Variants in CAMKMT observed in about 807,000 individuals in gnomAD.
CAMKMT encodes the protein calmodulin-lysine N-methyltransferase.
A neutral mutation model predicts 48.0 loss-of-function variants in CAMKMT; 53 were observed. The ratio of observed to expected loss-of-function variants is 1.10; its 90% confidence interval spans 0.89 to 1.39. The LOEUF is 1.39. Among genes scored for constraint, CAMKMT ranks in the 40% most tolerant of loss-of-function variants. The probability of loss-of-function intolerance (pLI) is 0.00; values close to 1 mark genes in which losing one functional copy is unlikely to be tolerated. For missense variants in CAMKMT, 428 were observed against 402.7 expected (o/e 1.06, Z -0.54); for synonymous variants, 165 against 152.3 (o/e 1.08, Z -0.61).
intron 3 of CAMKMT, among the ~76,000 whole-genome samples, chr2:44,455,812 C>G (rs1189389044): frequency 6.6e-6 from 1 of 152,026 alleles, no homozygotes; most frequent in Non-Finnish European, 1.5e-5. Context: ...TTTGTGTAAT[C>G]TATTGTTGTT....
chr2:44,741,942 T>C (rs1679699629), intron 7 of CAMKMT, among the ~76,000 whole-genome samples: 1 of 152,246 alleles, frequency 6.6e-6, no homozygotes, highest in African/African-American at 2.4e-5. Flanking sequence ...ATTTATGGAA[T>C]GGTAAGATTA....
intron 3 of CAMKMT, among the ~76,000 whole-genome samples, chr2:44,424,763 G>A (rs906931673): frequency 2.0e-5 from 3 of 152,196 alleles, no homozygotes; most frequent in Non-Finnish European, 2.9e-5. Context: ...GACTTAGGGG[G>A]AAAGGGTGAG....
chr2:44,550,372 AGAGT>A (rs887649796), intron 3 of CAMKMT, among the ~76,000 whole-genome samples: 37 of 152,012 alleles, frequency 2.4e-4, no homozygotes, highest in African/African-American at 8.4e-4. Flanking sequence ...CCTGGGTGAC[AGAGT>A]GAGACTCTGT....
At chr2:44,577,104 C>G (rs1477742423) in intron 3 of CAMKMT, among the ~76,000 whole-genome samples, 1 of 152,164 alleles carries the variant, frequency 6.6e-6, no homozygotes, top group Admixed American at 6.5e-5. Flanking sequence ...CACTTTGATG[C>G]TGGTTGTACA....
At chr2:44,482,348 ACCCAAAACAATTAC>A (rs1669015078) in intron 3 of CAMKMT, among the ~76,000 whole-genome samples, 1 of 152,114 alleles carries the variant, frequency 6.6e-6, no homozygotes, top group Non-Finnish European at 1.5e-5. Context: ...TTAAACATAC[ACCCAAAACAATTAC>A]TTCCAAAAAT....
intron 3 of CAMKMT, among the ~76,000 whole-genome samples, chr2:44,578,149 T>G (rs1281881818): frequency 2.0e-5 from 3 of 152,146 alleles, no homozygotes; most frequent in African/African-American, 7.2e-5. Context: ...GGAGGTGATC[T>G]CTCATTACCT....
intron 3 of CAMKMT, among the ~76,000 whole-genome samples, chr2:44,667,765 A>G (rs1675081759): frequency 6.6e-6 from 1 of 152,032 alleles, no homozygotes; most frequent in Admixed American, 6.6e-5. Context: ...TTCTTTTTCT[A>G]CAGCTCAGGT....
chr2:44,504,081 C>T (rs1009272174), intron 3 of CAMKMT, among the ~76,000 whole-genome samples: 3 of 151,994 alleles, frequency 2.0e-5, no homozygotes, highest in Non-Finnish European at 4.4e-5. Flanking sequence ...AAGGCCCCAT[C>T]TTCATGACCT....
intron 8 of CAMKMT, among the ~76,000 whole-genome samples, chr2:44,749,542 C>A (rs947316634): frequency 1.3e-5 from 2 of 152,210 alleles, no homozygotes; most frequent in Admixed American, 6.5e-5. Context: ...ATTCATAGCT[C>A]ATCCCCAGTT....
intron 3 of CAMKMT, among the ~76,000 whole-genome samples, chr2:44,496,981 C>T (rs941144831): frequency 6.6e-6 from 1 of 152,136 alleles, no homozygotes; most frequent in Admixed American, 6.6e-5. Context: ...AAATAATCTG[C>T]TAGTCAAAGA....
At chr2:44,602,622 T>C (rs1357823635) in intron 3 of CAMKMT, among the ~76,000 whole-genome samples, 1 of 151,960 alleles carries the variant, frequency 6.6e-6, no homozygotes, top group African/African-American at 2.4e-5. Context: ...ACTGGGAGGC[T>C]TCAGGAAACT....
intron 3 of CAMKMT, among the ~76,000 whole-genome samples, chr2:44,432,918 A>G (rs946316550): frequency 2.0e-5 from 3 of 152,190 alleles, no homozygotes; most frequent in African/African-American, 4.8e-5. Flanking sequence ...TGAGAATTAA[A>G]TGAGTTAAAT....
intron 3 of CAMKMT, among the ~76,000 whole-genome samples, chr2:44,596,338 A>G (rs563227144): frequency 6.6e-6 from 1 of 152,164 alleles, no homozygotes; most frequent in South Asian, 2.1e-4. Flanking sequence ...AGTCCCAGCT[A>G]CTTGGGAGGC....
chr2:44,602,786 A>G (rs1558737315), intron 3 of CAMKMT, among the ~76,000 whole-genome samples: 1 of 152,050 alleles, frequency 6.6e-6, no homozygotes, highest in Non-Finnish European at 1.5e-5. Flanking sequence ...GAAAATTCGC[A>G]TCCACGATCC....
At chr2:44,597,003 A>G (rs1670707502) in intron 3 of CAMKMT, among the ~76,000 whole-genome samples, 1 of 152,214 alleles carries the variant, frequency 6.6e-6, no homozygotes, top group Non-Finnish European at 1.5e-5. Context: ...AAATTTTGGA[A>G]TGATTAAAAT....
chr2:44,527,044 TGCCCATTTCCTCCA>T (rs200389904), intron 3 of CAMKMT, among the ~76,000 whole-genome samples: 2,936 of 150,100 alleles, frequency 0.02, 66 homozygotes, highest in South Asian at 0.085. Flanking sequence ...TAGCAGTCAC[TGCCCATTTCCTCCA>T]GCCCCCTTAT....
chr2:44,394,733 A>G (rs10495917), intron 3 of CAMKMT: 8,500 of 367,516 alleles, frequency 0.023, 618 homozygotes, highest in African/African-American at 0.16. Context: ...TGACCTGACC[A>G]GGATTTTTAA....
chr2:44,671,557 G>T (rs1675326650), intron 3 of CAMKMT, among the ~76,000 whole-genome samples: 1 of 152,192 alleles, frequency 6.6e-6, no homozygotes. Context: ...CACTCACCAT[G>T]CCAGTGGCTC....
At chr2:44,723,783 G>C (rs1018552234) in intron 7 of CAMKMT, 1 of 152,042 alleles carries the variant, frequency 6.6e-6, no homozygotes, top group East Asian at 1.9e-4. Flanking sequence ...GCTCTCATTT[G>C]TCTGGAATTC....
Sources: allele counts gnomAD v4.1 joint callset (sites outside exome capture counted in the v4.1 genomes callset), GRCh38; gene constraint gnomAD v4.1.1; transcripts MANE v1.5; gene names NCBI Gene and HGNC (gene_info 2026-07-23, HGNC 2026-07-21).